LRRTM4: variants seen among roughly 807,000 people sequenced by gnomAD.
LRRTM4 encodes the protein leucine rich repeat transmembrane neuronal 4.
LRRTM4 carries 25 observed loss-of-function variants against 47.6 expected under a neutral mutation model. The observed-to-expected ratio is 0.53, with a 90% CI of 0.38 to 0.73. LRRTM4 has a LOEUF of 0.73. Among genes scored for constraint, LRRTM4 ranks in the 30% least tolerant of loss-of-function variants. The pLI, the probability that LRRTM4 is intolerant of heterozygous loss-of-function variation, is 0.00. For missense variants in LRRTM4, 638 were observed against 713.4 expected (o/e 0.89, Z 1.20); for synonymous variants, 311 against 269.5 (o/e 1.15, Z -1.51).
At chr2:77,146,164 A>G (rs1169239228) in intron 3 of LRRTM4, among the ~76,000 whole-genome samples, 2 of 152,200 alleles carry the variant, frequency 1.3e-5, no homozygotes, top group African/African-American at 4.8e-5. Flanking sequence ...GCACTGTAAC[A>G]TTGAACAGTT....
At chr2:77,108,366 A>G (rs1348938266) in intron 3 of LRRTM4, among the ~76,000 whole-genome samples, 1 of 152,088 alleles carries the variant, frequency 6.6e-6, no homozygotes, top group Non-Finnish European at 1.5e-5. Context: ...TATAAAGAAC[A>G]TTGTATAAGA....
At chr2:77,218,145 C>A (rs906243431) in intron 3 of LRRTM4, among the ~76,000 whole-genome samples, 5 of 152,112 alleles carry the variant, frequency 3.3e-5, no homozygotes, top group Non-Finnish European at 5.9e-5. Context: ...CAGGCATGTG[C>A]CGCCATGCCT....
chr2:77,045,392 G>A (rs1679200736), intron 3 of LRRTM4, among the ~76,000 whole-genome samples: 1 of 151,744 alleles, frequency 6.6e-6, no homozygotes, highest in Non-Finnish European at 1.5e-5. Context: ...CAGGTATCAT[G>A]TCATTTCCCC....
intron 3 of LRRTM4, among the ~76,000 whole-genome samples, chr2:77,479,111 G>C (rs952954069): frequency 9.2e-5 from 14 of 151,990 alleles, no homozygotes; most frequent in African/African-American, 3.4e-4. Flanking sequence ...GGTCAGGCTG[G>C]TCTCGAACTC....
intron 3 of LRRTM4, among the ~76,000 whole-genome samples, chr2:76,768,996 T>C (rs1217043100): frequency 6.6e-6 from 1 of 152,152 alleles, no homozygotes; most frequent in East Asian, 1.9e-4. Context: ...ACAAAGAGGT[T>C]TGAACAAAGA....
At chr2:77,265,643 A>C (rs779363471) in intron 3 of LRRTM4, among the ~76,000 whole-genome samples, 15 of 152,106 alleles carry the variant, frequency 9.9e-5, no homozygotes, top group Admixed American at 2.0e-4. Flanking sequence ...TAATATAGAC[A>C]CTGTTGCATT....
At chr2:76,942,939 ATTAT>A (rs986113046) in intron 3 of LRRTM4, among the ~76,000 whole-genome samples, 1 of 152,158 alleles carries the variant, frequency 6.6e-6, no homozygotes, top group African/African-American at 2.4e-5. Flanking sequence ...GTAATTCAAG[ATTAT>A]TTATCATTTA....
chr2:76,897,878 G>A (rs563353401), intron 3 of LRRTM4, among the ~76,000 whole-genome samples: 22 of 152,230 alleles, frequency 1.4e-4, no homozygotes, highest in African/African-American at 5.1e-4. Context: ...ATTCCATAGA[G>A]GGCAGAAGCA....
chr2:77,184,420 A>C (rs1558623438), intron 3 of LRRTM4, among the ~76,000 whole-genome samples: 1 of 152,134 alleles, frequency 6.6e-6, no homozygotes, highest in Admixed American at 6.6e-5. Context: ...AGAAACAGCT[A>C]ATTGAAAACT....
intron 3 of LRRTM4, among the ~76,000 whole-genome samples, chr2:76,958,842 C>A (rs1451056303): frequency 6.6e-6 from 1 of 151,598 alleles, no homozygotes; most frequent in East Asian, 2.0e-4. Context: ...TTGAAATATG[C>A]CCCCTTGCCA....
At chr2:77,123,213 C>CAGAGAGAGAGAGAGAGAGAGAGAGAGAG (rs56149151) in intron 3 of LRRTM4, among the ~76,000 whole-genome samples, 32 of 142,970 alleles carry the variant, frequency 2.2e-4, no homozygotes, top group African/African-American at 8.3e-4. Context: ...TTCAGTCTCA[C>CAGAGAGAGAGAGAGAGAGAGAGAGAGAG]AGAGAGAGAG....
intron 3 of LRRTM4, among the ~76,000 whole-genome samples, chr2:77,112,277 T>C (rs1671272005): frequency 6.6e-6 from 1 of 152,228 alleles, no homozygotes; most frequent in African/African-American, 2.4e-5. Flanking sequence ...TTTATGTTTT[T>C]CTTTCAAGTG....
intron 3 of LRRTM4, among the ~76,000 whole-genome samples, chr2:76,866,106 T>G (rs1307632174): frequency 6.6e-6 from 1 of 152,006 alleles, no homozygotes; most frequent in Non-Finnish European, 1.5e-5. Context: ...TAGAGTAACT[T>G]GGTACTATTC....
intron 3 of LRRTM4, among the ~76,000 whole-genome samples, chr2:77,078,336 G>T (rs779086784): frequency 1.3e-5 from 2 of 151,188 alleles, no homozygotes; most frequent in Non-Finnish European, 2.9e-5. Context: ...ATCTAGGAAA[G>T]ATAATTTTAT....
rs140713465 is a variant in LRRTM4 at position 77,320,282 on chromosome 2, A to T, written c.1551+198036T>A. Among the ~76,000 whole-genome samples the T allele has an allele frequency of 4.2e-3, 635 of 152,338 alleles. 4 individuals are homozygous for T. Among genetic ancestry groups the T allele is most frequent in the African/African-American group, 0.014 (601 of 41,574 alleles). On this transcript the variant is annotated intron_variant, in intron 3 of 3. Transcript: ENST00000409884. Reference sequence around the variant, plus strand: ...GAAAGGAAAAAGAAATAATAATAAAAGTAGTCTCATATTACAACTGGTACA... The same window carrying T: ...GAAAGGAAAAAGAAATAATAATAAATGTAGTCTCATATTACAACTGGTACA...
chr2:76,832,958 T>A (rs1671396531), intron 3 of LRRTM4, among the ~76,000 whole-genome samples: 6 of 152,016 alleles, frequency 3.9e-5, no homozygotes, highest in Admixed American at 3.9e-4. Flanking sequence ...AAGGAGAGTA[T>A]GGCACACTAG....
In LRRTM4 at chr2:76,801,214, CAT is replaced by C. The variant is rs548774175; in HGVS notation, c.1552-52300_1552-52299del. ...TTGCTGCTATAAAGACACATGCACA[CAT>C]ATGTTTATTGCAGCATTATTCACAA... On this transcript the variant is annotated intron_variant, in intron 3 of 3. Coordinates refer to ENST00000409884, the MANE Select transcript of LRRTM4 (RefSeq NM_001134745.3). Among the ~76,000 whole-genome samples the C allele has an allele frequency of 2.0e-4, 31 of 152,194 alleles. No individual in the cohort carries two copies. The South Asian group carries it at 5.0e-3, about 24-fold the overall frequency.
At chr2:77,041,696 C>CT (rs1286129533) in intron 3 of LRRTM4, among the ~76,000 whole-genome samples, 1 of 150,986 alleles carries the variant, frequency 6.6e-6, no homozygotes, top group African/African-American at 2.4e-5. Context: ...CTTTCTATGT[C>CT]TTTTTTTGAG....
intron 3 of LRRTM4, among the ~76,000 whole-genome samples, chr2:77,278,334 A>T (rs1294441617): frequency 6.6e-6 from 1 of 152,074 alleles, no homozygotes; most frequent in Non-Finnish European, 1.5e-5. Context: ...TGAGATTAAA[A>T]ACCAATTGTT....
Sources: gnomAD v4.1 joint callset for allele counts (sites outside exome capture counted in the v4.1 genomes callset) on GRCh38, gnomAD v4.1.1 for gene constraint, MANE v1.5 for transcripts, NCBI Gene and HGNC (gene_info 2026-07-23, HGNC 2026-07-21) for gene names.